PSKH1: variants seen among roughly 807,000 people sequenced by gnomAD.
PSKH1 encodes protein serine kinase H1.
Under a neutral mutation model 26.7 loss-of-function variants are expected in PSKH1, and 12 were observed. That is an observed-to-expected ratio of 0.45 (90% CI 0.29 to 0.73). PSKH1 has a LOEUF of 0.73. Ranked by LOEUF, PSKH1 falls within the 30% of genes least tolerant of loss-of-function variation. The pLI is 0.11. For synonymous variants in PSKH1, 213 were observed against 234.3 expected, an observed-to-expected ratio of 0.91 and a Z score of 0.83; for missense variants, 431 against 595.2, an observed-to-expected ratio of 0.72 and a Z score of 2.87.
intron 1 of PSKH1, among the ~76,000 whole-genome samples, chr16:67,895,226 A>ATTTTT (rs575246879): frequency 7.0e-6 from 1 of 143,604 alleles, no homozygotes; most frequent in Non-Finnish European, 1.5e-5. Context: ...CCTGGCTGAG[A>ATTTTT]TTTTTTTTTT....
intron 2 of PSKH1, among the ~76,000 whole-genome samples, chr16:67,917,909 G>A (rs1178042874): frequency 6.6e-6 from 1 of 152,168 alleles, no homozygotes; most frequent in Non-Finnish European, 1.5e-5. Context: ...AGTGGAGAGG[G>A]CACGCTGGAG....
At chr16:67,910,135 T>C (rs749188847) in intron 2 of PSKH1, 2 of 302,666 alleles carry the variant, frequency 6.6e-6, no homozygotes, top group South Asian at 2.0e-4. Flanking sequence ...ACTCCTGTAC[T>C]TCATGGGTTG....
chr16:67,916,831 AG>A (rs1345112166), intron 2 of PSKH1, among the ~76,000 whole-genome samples: 1 of 152,090 alleles, frequency 6.6e-6, no homozygotes, highest in Admixed American at 6.5e-5. Flanking sequence ...GAGGGACATC[AG>A]CTTGTATGGG....
intron 2 of PSKH1, among the ~76,000 whole-genome samples, chr16:67,916,268 G>A (rs535466423): frequency 6.6e-6 from 1 of 152,352 alleles, no homozygotes; most frequent in African/African-American, 2.4e-5. Flanking sequence ...TCACCAGCGA[G>A]TGTCTCGTGG....
At chr16:67,919,347 T>C (rs1037949057) in intron 2 of PSKH1, among the ~76,000 whole-genome samples, 1 of 152,230 alleles carries the variant, frequency 6.6e-6, no homozygotes, top group Non-Finnish European at 1.5e-5. Flanking sequence ...TTCCCACGAC[T>C]GTCTCAATAG....
chr16:67,929,388 G>A lies in PSKH1; in HGVS notation c.*1746G>A, dbSNP rs144991158. Reference sequence around the variant, plus strand: ...CCCAATGCCCCCTGGGCAGGAGGCAGTGGAGAACCAAGCCCCATGGCCTCA... The same window carrying A: ...CCCAATGCCCCCTGGGCAGGAGGCAATGGAGAACCAAGCCCCATGGCCTCA... On this transcript the variant is annotated 3_prime_UTR_variant, in exon 3 of 3. Transcript: ENST00000291041. The A allele has an allele frequency of 6.1e-3, 953 of 156,760 alleles. 11 individuals carry two copies. The highest frequency in any genetic ancestry group is 0.022 in the African/African-American group (907 of 41,628). The allele number at this position is 156,760 out of a possible 1,614,324, so 9.7% of individuals were successfully genotyped here.
chr16:67,926,633 G>T (rs913033246), intron 2 of PSKH1, among the ~76,000 whole-genome samples: 1 of 152,162 alleles, frequency 6.6e-6, no homozygotes, highest in Non-Finnish European at 1.5e-5. Context: ...CCTCCCAGGG[G>T]ACAGAATGTA....
chr16:67,918,698 TCTC>T (rs549354938), intron 2 of PSKH1, among the ~76,000 whole-genome samples: 1 of 151,820 alleles, frequency 6.6e-6, no homozygotes. Flanking sequence ...TTCAAGCAAT[TCTC>T]CTGCCTCAGC....
Position 67,922,946 on chromosome 16 carries a change from G to A in PSKH1, c.958-4379G>A, listed in dbSNP as rs74024105. ...GTCTGCAGCCTCTGCTAGAGAGCTGGCGCTGTTCTTTGTTTCATTAGCCCT... is the reference window on the plus strand; with the variant it reads ...GTCTGCAGCCTCTGCTAGAGAGCTGACGCTGTTCTTTGTTTCATTAGCCCT... On this transcript the variant is annotated intron_variant, in intron 2 of 2. Coordinates refer to ENST00000291041, the MANE Select transcript of PSKH1 (RefSeq NM_006742.3). Among the ~76,000 whole-genome samples, 989 of 152,366 alleles carry A rather than the reference G, an allele frequency of 6.5e-3. 7 individuals are homozygous for A. Among genetic ancestry groups the A allele is most frequent in the African/African-American group, 0.022 (916 of 41,588 alleles).
chr16:67,895,013 C>T (rs2058122217), intron 1 of PSKH1, among the ~76,000 whole-genome samples: 1 of 151,300 alleles, frequency 6.6e-6, no homozygotes, highest in Admixed American at 6.6e-5. Context: ...AACCTCTACC[C>T]CCCAGGTTCA....
chr16:67,916,405 G>C (rs1203842490), intron 2 of PSKH1, among the ~76,000 whole-genome samples: 1 of 152,284 alleles, frequency 6.6e-6, no homozygotes, highest in Admixed American at 6.5e-5. Context: ...CCAGTCCTCT[G>C]TCAGGCTCAG....
intron 2 of PSKH1, among the ~76,000 whole-genome samples, chr16:67,917,189 C>T (rs905124684): frequency 6.6e-6 from 1 of 152,224 alleles, no homozygotes; most frequent in Non-Finnish European, 1.5e-5. Context: ...AATCCCCCAC[C>T]TTACAGATGA....
chr16:67,924,999 C>T (rs1213175799), intron 2 of PSKH1, among the ~76,000 whole-genome samples: 1 of 151,580 alleles, frequency 6.6e-6, no homozygotes, highest in Non-Finnish European at 1.5e-5. Context: ...GAGGCGGAGT[C>T]TTACCATCTT....
rs1354261026 is a variant in PSKH1 at position 67,909,565 on chromosome 16, G to A, written c.816G>A (p.Lys272=). 5 of 1,613,928 alleles carry A rather than the reference G, an allele frequency of 3.1e-6. No individual in the cohort carries two copies. The highest frequency in any genetic ancestry group is 4.2e-6 in the Non-Finnish European group (5 of 1,180,052). The change falls in exon 2 of 3, where the codon AAG becomes AAA. Residue 272 remains lysine (K), a synonymous_variant. Coordinates refer to ENST00000291041, the MANE Select transcript of PSKH1 (RefSeq NM_006742.3). This position sits in a 1 kb window ranked among gnomAD's most constrained non-coding sequence, Gnocchi z 7.8. ...EYIAPEVLVR[K]PYTNSVDMWA... is the part of the protein sequence containing the mutation. ...TTGCCCCAGAAGTCCTGGTCCGCAAGCCATACACCAACTCAGTGGACATGT... is the reference window on the plus strand; with the variant it reads ...TTGCCCCAGAAGTCCTGGTCCGCAAACCATACACCAACTCAGTGGACATGT...
At chr16:67,921,353 A>C (rs971916640) in intron 2 of PSKH1, among the ~76,000 whole-genome samples, 1 of 152,066 alleles carries the variant, frequency 6.6e-6, no homozygotes, top group Non-Finnish European at 1.5e-5. Flanking sequence ...AGGCGGGCAG[A>C]TCTTGAGGTC....
intron 1 of PSKH1, among the ~76,000 whole-genome samples, chr16:67,895,784 A>G (rs986480714): frequency 1.8e-4 from 28 of 152,214 alleles, no homozygotes; most frequent in African/African-American, 6.8e-4. Flanking sequence ...ATTGCCTAAG[A>G]AAACTGTTGT....
intron 1 of PSKH1, among the ~76,000 whole-genome samples, chr16:67,904,791 G>A (rs1234670978): frequency 6.6e-6 from 1 of 151,696 alleles, no homozygotes; most frequent in Non-Finnish European, 1.5e-5. Context: ...CTGGCCAATG[G>A]GACACCACAC....
Position 67,928,053 on chromosome 16 carries a change from AC to A in PSKH1, c.*416del. The A allele has an allele frequency of 5.7e-6, 1 of 175,966 alleles. No individual in the cohort carries two copies. Among genetic ancestry groups the A allele is most frequent in the Non-Finnish European group, 1.2e-5 (1 of 84,322 alleles). The allele number at this position is 175,966 out of a possible 1,614,324, so 10.9% of individuals were successfully genotyped here. ...ACCCTTTGGGACAGTTACTTCTGGG[AC>A]CCCCTTTCCTCCACAGAGCCCTTCT... On this transcript the variant is annotated 3_prime_UTR_variant, in exon 3 of 3. Transcript: ENST00000291041. The surrounding 1 kb of genome is among the most constrained non-coding windows in gnomAD (Gnocchi z 4.8).
chr16:67,917,321 G>T (rs1222285500), intron 2 of PSKH1, among the ~76,000 whole-genome samples: 1 of 152,238 alleles, frequency 6.6e-6, no homozygotes, highest in Non-Finnish European at 1.5e-5. Flanking sequence ...TAGTGCTGCA[G>T]TCTGCTCTCC....
Sources: gnomAD v4.1 joint callset for allele counts (sites outside exome capture counted in the v4.1 genomes callset) on GRCh38, gnomAD v4.1.1 for gene constraint, Gnocchi (gnomAD v3.1) non-coding constraint, MANE v1.5 for transcripts, NCBI Gene and HGNC (gene_info 2026-07-23, HGNC 2026-07-21) for gene names.